Variants in MAG observed in about 807,000 individuals in gnomAD.
MAG encodes the protein myelin-associated glycoprotein.
A neutral mutation model predicts 60.7 loss-of-function variants in MAG; 30 were observed. The ratio of observed to expected loss-of-function variants is 0.49; its 90% CI spans 0.37 to 0.67. The LOEUF (loss-of-function observed/expected upper bound fraction) is 0.67. Among genes scored for constraint, MAG ranks in the 30% least tolerant of loss-of-function variants. The probability of loss-of-function intolerance (pLI) is 0.00; values close to 1 mark genes in which losing one functional copy is unlikely to be tolerated. For missense variants in MAG, 795 were observed against 851.7 expected (o/e 0.93, Z 0.83); for synonymous variants, 384 against 376.8 (o/e 1.02, Z -0.22).
At chr19:35,294,317 C>G in intron 2 of MAG, 27 bp downstream of exon 2, 1 of 434,218 alleles carries the variant, frequency 2.3e-6, no homozygotes, top group Non-Finnish European at 4.6e-6. Context: ...CAACTCTCTT[C>G]CCTTGCTTCA....
Position 35,299,826 on chromosome 19 carries a change from G to A in MAG, c.688G>A (p.Gly230Ser), listed in dbSNP as rs765954040. The change falls in exon 5 of 11, where the codon GGC becomes AGC. Residue 230 changes from glycine to serine, a missense_variant. Coordinates refer to ENST00000392213, the MANE Select transcript of MAG (RefSeq NM_002361.4). ...SFPNTTLQFE[G>S]YASMDVKYPP... ...CCCCAACACCACCCTGCAGTTCGAGGGCTACGCCAGCATGGACGTCAAGTG... is the reference window on the plus strand; with the variant it reads ...CCCCAACACCACCCTGCAGTTCGAGAGCTACGCCAGCATGGACGTCAAGTG... The A allele has an allele frequency of 3.4e-5, 51 of 1,507,108 alleles. No homozygotes were observed. Among genetic ancestry groups the A allele is most frequent in the Non-Finnish European group, 4.2e-5 (47 of 1,127,908 alleles). The allele number at this position is 1,507,108 out of a possible 1,614,324, so 93.4% of individuals were successfully genotyped here. A position where few individuals can be genotyped will look rare whatever the true frequency, so the allele number is the denominator to read the frequency against.
At chr19:35,310,231 G>A (rs2066517230) in intron 8 of MAG, 70 bp downstream of exon 8, 1 of 1,519,962 alleles carries the variant, frequency 6.6e-7, no homozygotes, top group East Asian at 2.3e-5. Flanking sequence ...AGCTCCCAAG[G>A]CTGACCAACA....
intron 4 of MAG, among the ~76,000 whole-genome samples, chr19:35,298,989 A>T (rs1237450054): frequency 1.3e-5 from 2 of 150,082 alleles, no homozygotes; most frequent in South Asian, 4.3e-4. Flanking sequence ...CAAACACACC[A>T]CATACTACAC....
In MAG at chr19:35,310,137, C is replaced by T. The variant is rs2066516386; in HGVS notation, c.1495C>T (p.Leu499=). 1 of 1,608,146 alleles carries T rather than the reference C, an allele frequency of 6.2e-7. No homozygotes were observed. Among genetic ancestry groups the T allele is most frequent in the Non-Finnish European group, 8.5e-7 (1 of 1,175,882 alleles). Residue 499 remains leucine (L), a synonymous_variant, in exon 8 of 11, where the codon CTG becomes TTG. Transcript: ENST00000392213. ...TARNLYGAKS[L]ELPFQGAHRL... ...GAGGAACCTCTATGGCGCCAAGAGC[C>T]TGGAGCTGCCCTTCCAGGGAGCCCG...
chr19:35,309,753 C>T, intron 7 of MAG, 121 bp from the exon 8 acceptor site: 2 of 1,026,176 alleles, frequency 1.9e-6, no homozygotes, highest in South Asian at 1.5e-5. Flanking sequence ...ATTGGAGGGC[C>T]CTACAGGAAG....
At position 35,312,170 on chromosome 19, in the gene MAG, C is replaced by G. The variant is rs954968698; in HGVS notation, c.1716+153C>G. Reference sequence around the variant, plus strand: ...TCCAGGGCTGGGTTGGACCTGGAGGCTGGGGAGGAGGTGCCCAGGCCGAAG... The same window carrying G: ...TCCAGGGCTGGGTTGGACCTGGAGGGTGGGGAGGAGGTGCCCAGGCCGAAG... On this transcript the variant is annotated intron_variant, in intron 10 of 10. Coordinates refer to ENST00000392213, the MANE Select transcript of MAG (RefSeq NM_002361.4). 3.1e-6 allele frequency: 4 copies of G among 1,282,000 alleles called. No homozygotes were observed. In the African/African-American group the frequency reaches 4.4e-5, roughly 14 times the overall value. The allele number at this position is 1,282,000 out of a possible 1,614,324, so 79.4% of individuals were successfully genotyped here. A position where few individuals can be genotyped will look rare whatever the true frequency, so the allele number is the denominator to read the frequency against.
At chr19:35,299,971 G>C (rs1185299320) in intron 5 of MAG, 121 bp downstream of exon 5, 4 of 1,216,682 alleles carry the variant, frequency 3.3e-6, no homozygotes, top group Admixed American at 3.5e-5. Flanking sequence ...GCCATGCCCA[G>C]GGCCAGGCAG....
chr19:35,299,469 G>T, intron 4 of MAG, 85 bp from the exon 5 acceptor site: 1 of 908,708 alleles, frequency 1.1e-6, no homozygotes, highest in South Asian at 1.8e-5. Context: ...CAATGGAGGT[G>T]GACAAGGAGG....
intron 7 of MAG, among the ~76,000 whole-genome samples, chr19:35,307,802 T>C (rs993472252): frequency 1.3e-4 from 20 of 152,062 alleles, no homozygotes; most frequent in Admixed American, 1.2e-3. Flanking sequence ...CTCAACCAAG[T>C]GACTTTGGGT....
At position 35,299,643 on chromosome 19, in the gene MAG, C is replaced by A. The variant is rs200431991; in HGVS notation, c.505C>A (p.Arg169Ser). 3.7e-6 allele frequency: 6 copies of A among 1,609,950 alleles called. No homozygotes were observed. Among genetic ancestry groups the A allele is most frequent in the Non-Finnish European group, 5.1e-6 (6 of 1,178,532 alleles). The change falls in exon 5 of 11, where the codon CGC becomes AGC. Residue 169 changes from arginine (R) to serine (S), a missense_variant. Physicochemically the swap from Arg to Ser is moderately radical, Grantham distance 110 (BLOSUM62 -1). Transcript: ENST00000392213. ...CMVPDNCPEL[R>S]PELSWLGHEG... Reference sequence around the variant, plus strand: ...GGTGCCGGACAACTGCCCAGAGCTGCGCCCTGAGCTGAGCTGGCTGGGCCA... The same window carrying A: ...GGTGCCGGACAACTGCCCAGAGCTGAGCCCTGAGCTGAGCTGGCTGGGCCA...
chr19:35,300,377 A>C lies in MAG; in HGVS notation c.943A>C (p.Asn315His), dbSNP rs1599651364. The C allele has an allele frequency of 6.3e-7, 1 of 1,586,722 alleles. No homozygotes were observed. Among genetic ancestry groups the C allele is most frequent in the Non-Finnish European group, 8.5e-7 (1 of 1,170,332 alleles). The change falls in exon 6 of 11, where the codon AAC becomes CAC. Residue 315 changes from asparagine (N) to histidine (H), a missense_variant. By Grantham distance (68) the Asn-to-His change is moderately conservative. Transcript: ENST00000392213. ...CLAENAYGQD[N>H]RTVGLSVMYA... is the part of the protein sequence containing the mutation. ...GGCCGAGAATGCCTATGGCCAGGACAACCGCACCGTGGGGCTCAGTGTCAT... is the reference window on the plus strand; with the variant it reads ...GGCCGAGAATGCCTATGGCCAGGACCACCGCACCGTGGGGCTCAGTGTCAT...
intron 7 of MAG, among the ~76,000 whole-genome samples, chr19:35,308,111 G>T (rs1444144878): frequency 6.6e-6 from 1 of 152,190 alleles, no homozygotes; most frequent in Non-Finnish European, 1.5e-5. Flanking sequence ...GTAAGTGTGT[G>T]ATGCAGGGAG....
At chr19:35,312,447 C>G (rs1048879110) in intron 10 of MAG, 3 of 803,930 alleles carry the variant, frequency 3.7e-6, no homozygotes, top group Non-Finnish European at 4.1e-6. Context: ...CGGGCCTGCC[C>G]GGCAGTGCTG....
At chr19:35,294,780 CAAAT>C (rs1310594162) in intron 2 of MAG, among the ~76,000 whole-genome samples, 1 of 151,982 alleles carries the variant, frequency 6.6e-6, no homozygotes, top group Non-Finnish European at 1.5e-5. Flanking sequence ...TAATAATAAC[CAAAT>C]AAATAAACTA....
At chr19:35,296,568 T>A (rs1206045152) in intron 4 of MAG, among the ~76,000 whole-genome samples, 2 of 152,144 alleles carry the variant, frequency 1.3e-5, no homozygotes, top group African/African-American at 4.8e-5. Context: ...TAAAATCCTT[T>A]AAGCCAAATA....
rs1159228090 is a variant in MAG at position 35,310,599 on chromosome 19, C to T, written c.1572C>T (p.Ala524=). 2 of 1,614,124 alleles carry T rather than the reference C, an allele frequency of 1.2e-6. No homozygotes were observed. Among genetic ancestry groups the T allele is most frequent in the Non-Finnish European group, 1.7e-6 (2 of 1,180,022 alleles). The change falls in exon 9 of 11, where the codon GCC becomes GCT. Residue 524 remains alanine, a synonymous_variant. Coordinates refer to ENST00000392213, the MANE Select transcript of MAG (RefSeq NM_002361.4). ...IGPVGAVVAF[A]ILIAIVCYIT... ...CTGTGGGCGCCGTGGTCGCCTTTGC[C>T]ATCCTGATTGCCATCGTCTGCTACA...
At chr19:35,296,101 T>G (rs2066396512) in intron 4 of MAG, 120 bp downstream of exon 4, 3 of 1,389,188 alleles carry the variant, frequency 2.2e-6, no homozygotes, top group African/African-American at 1.4e-5. Context: ...TGGGAGGTGC[T>G]GATTTGGCTG....
In MAG at chr19:35,300,325, C is replaced by T. The variant is rs11550207; in HGVS notation, c.891C>T (p.Pro297=). The change falls in exon 6 of 11, where the codon CCC becomes CCT. Residue 297 remains proline, a synonymous_variant. Transcript: ENST00000392213. ...SLLLELEEVT[P]AEDGVYACLA... The stretch of plus-strand genomic sequence containing the variant: ...TCCTGGAGCTGGAGGAGGTGACCCC[C>T]GCCGAAGACGGCGTCTATGCCTGCC... The T allele has an allele frequency of 1.9e-6, 3 of 1,599,156 alleles. No individual in the cohort carries two copies. Among genetic ancestry groups the T allele is most frequent in the South Asian group, 1.1e-5 (1 of 91,026 alleles).
At chr19:35,312,260 C>CTGCAT (rs763012454) in intron 10 of MAG, 28 of 1,612,028 alleles carry the variant, frequency 1.7e-5, no homozygotes, top group Non-Finnish European at 2.4e-5. Context: ...GTGTCTGTGA[C>CTGCAT]TGCATTTCCT....
Sources: gnomAD v4.1 joint callset for allele counts (sites outside exome capture counted in the v4.1 genomes callset) on GRCh38, gnomAD v4.1.1 for gene constraint, MANE v1.5 for transcripts, NCBI Gene and HGNC (gene_info 2026-07-23, HGNC 2026-07-21) for gene names.